The following RAPGEF6 variants were observed in gnomAD, a reference collection of about 807,000 sequenced individuals.
RAPGEF6 encodes the protein PDZ domain containing guanine nucleotide exchange factor (GEF) 2.
A neutral mutation model predicts 171.4 loss-of-function variants in RAPGEF6; 56 were observed. The observed-to-expected ratio is 0.33, with a 90% CI of 0.26 to 0.41. The LOEUF (loss-of-function observed/expected upper bound fraction) is 0.41. Among genes scored for constraint, RAPGEF6 ranks in the 10% least tolerant of loss-of-function variants. The pLI is 1.00. For synonymous variants in RAPGEF6, 692 were observed against 650.1 expected (o/e 1.06, Z -0.98); for missense variants, 1,674 against 1,921.4 (o/e 0.87, Z 2.41).
chr5:131,471,897 A>G (rs1346154192), intron 17 of RAPGEF6, among the ~76,000 whole-genome samples: 1 of 152,166 alleles, frequency 6.6e-6, no homozygotes, highest in Non-Finnish European at 1.5e-5. Flanking sequence ...TTTTCTGTGT[A>G]TTATAGAAAA....
At chr5:131,566,895 G>A (rs1389524813) in intron 4 of RAPGEF6, among the ~76,000 whole-genome samples, 1 of 151,942 alleles carries the variant, frequency 6.6e-6, no homozygotes, top group Non-Finnish European at 1.5e-5. Context: ...GATCACCTGA[G>A]GTCAGGAGTT....
intron 1 of RAPGEF6, among the ~76,000 whole-genome samples, chr5:131,618,044 G>C (rs1166739000): frequency 1.3e-5 from 2 of 152,094 alleles, no homozygotes; most frequent in African/African-American, 4.8e-5. Context: ...TTGGATAAAC[G>C]GCTGACTTCA....
At chr5:131,517,269 A>G (rs1758153732) in intron 7 of RAPGEF6, among the ~76,000 whole-genome samples, 2 of 152,228 alleles carry the variant, frequency 1.3e-5, no homozygotes, top group Non-Finnish European at 2.9e-5. Context: ...ATCTAAAATA[A>G]AAGTTGAAAT....
At chr5:131,615,295 T>G (rs1765195044) in intron 1 of RAPGEF6, among the ~76,000 whole-genome samples, 1 of 152,166 alleles carries the variant, frequency 6.6e-6, no homozygotes, top group Non-Finnish European at 1.5e-5. Context: ...GTGAGCTGAT[T>G]AATTCTTTTT....
intron 11 of RAPGEF6, among the ~76,000 whole-genome samples, chr5:131,499,569 G>A (rs1271489925): frequency 9.2e-6 from 1 of 108,426 alleles, no homozygotes; most frequent in African/African-American, 3.5e-5. Flanking sequence ...CGACAAGAGC[G>A]AGACTTTGTC....
Position 131,597,690 on chromosome 5 carries a change from C to A in RAPGEF6, c.198-5224G>T, listed in dbSNP as rs936598656. Among the ~76,000 whole-genome samples the A allele has an allele frequency of 1.1e-4, 16 of 151,918 alleles. No individual in the cohort carries two copies. In the East Asian group the frequency reaches 1.9e-3, roughly 18 times the overall value. Reference sequence around the variant, plus strand: ...TAGAAGTGGAGTAGAACTGTGGTTACCAGAGACTGGAGTGGGGAGGTGGGA... The same window carrying A: ...TAGAAGTGGAGTAGAACTGTGGTTAACAGAGACTGGAGTGGGGAGGTGGGA... On this transcript the variant is annotated intron_variant, in intron 3 of 27. Coordinates refer to ENST00000509018, the MANE Select transcript of RAPGEF6 (RefSeq NM_016340.6).
chr5:131,431,745 C>A (rs996626242), intron 25 of RAPGEF6, among the ~76,000 whole-genome samples: 26 of 152,196 alleles, frequency 1.7e-4, no homozygotes, highest in South Asian at 6.2e-4. Flanking sequence ...CCGCCTCAGC[C>A]TCCCCAGCAG....
At chr5:131,579,275 T>C (rs1485008860) in intron 4 of RAPGEF6, among the ~76,000 whole-genome samples, 1 of 152,188 alleles carries the variant, frequency 6.6e-6, no homozygotes, top group Non-Finnish European at 1.5e-5. Context: ...ATAAAGGCAG[T>C]ATGGACCCAA....
Position 131,446,471 on chromosome 5 carries a change from A to G in RAPGEF6, c.3421+12T>C. The stretch of plus-strand genomic sequence containing the variant: ...GCTCTTTAGCGTCACATAAATGAAA[A>G]CTTGTACTCACAGGTACCATATGCA... On this transcript the variant is annotated intron_variant, in intron 22 of 27. Transcript: ENST00000509018. 1 of 1,601,972 alleles carries G rather than the reference A, an allele frequency of 6.2e-7. No homozygotes were observed. The highest frequency in any genetic ancestry group is 8.5e-7 in the Non-Finnish European group (1 of 1,173,476).
At chr5:131,519,777 C>A (rs1282995149) in intron 7 of RAPGEF6, among the ~76,000 whole-genome samples, 2 of 152,212 alleles carry the variant, frequency 1.3e-5, no homozygotes, top group Non-Finnish European at 1.5e-5. Context: ...GATCCAGGGT[C>A]AATCTTCCTC....
intron 16 of RAPGEF6, among the ~76,000 whole-genome samples, chr5:131,475,869 T>C (rs1049928163): frequency 1.3e-5 from 2 of 152,206 alleles, no homozygotes; most frequent in African/African-American, 4.8e-5. Context: ...CCTCTACTCT[T>C]ACAGAACTGA....
chr5:131,555,110 C>G (rs546880402), intron 5 of RAPGEF6, among the ~76,000 whole-genome samples: 2 of 152,134 alleles, frequency 1.3e-5, no homozygotes, highest in Admixed American at 1.3e-4. Context: ...TTAAGGTTCA[C>G]AGAATCCTGA....
intron 6 of RAPGEF6, among the ~76,000 whole-genome samples, chr5:131,541,802 T>C (rs1580996646): frequency 6.6e-6 from 1 of 152,228 alleles, no homozygotes; most frequent in Non-Finnish European, 1.5e-5. Context: ...CTAGAAACTT[T>C]AAAGGGTAAG....
chr5:131,495,462 G>T, intron 13 of RAPGEF6, 91 bp downstream of exon 13: 2 of 931,040 alleles, frequency 2.1e-6, no homozygotes, highest in East Asian at 2.6e-5. Context: ...TTAAGACACA[G>T]GAAAGAATGA....
At chr5:131,573,193 C>T (rs1302303526) in intron 4 of RAPGEF6, among the ~76,000 whole-genome samples, 1 of 152,068 alleles carries the variant, frequency 6.6e-6, no homozygotes, top group African/African-American at 2.4e-5. Flanking sequence ...AGCCTCTGCT[C>T]CCCCACTCTA....
At chr5:131,458,005 C>A (rs2149830436) in intron 19 of RAPGEF6, among the ~76,000 whole-genome samples, 1 of 152,256 alleles carries the variant, frequency 6.6e-6, no homozygotes, top group East Asian at 1.9e-4. Flanking sequence ...TATTCATATG[C>A]ATTAGAATAC....
At position 131,444,172 on chromosome 5, in the gene RAPGEF6, C is replaced by A. The variant is rs545205882; in HGVS notation, c.3422-1635G>T. Among the ~76,000 whole-genome samples the A allele has an allele frequency of 3.3e-4, 50 of 152,082 alleles. 1 individual carries two copies. Among genetic ancestry groups the A allele is most frequent in the Admixed American group, 3.3e-3 (50 of 15,264 alleles). On this transcript the variant is annotated intron_variant, in intron 22 of 27. Transcript: ENST00000509018. ...AACTGTCTCAACACAGCTATAATAG[C>A]TATTATGCTTTTATTAAGACAGACT...
chr5:131,575,502 T>C (rs1263746204), intron 4 of RAPGEF6, among the ~76,000 whole-genome samples: 1 of 152,176 alleles, frequency 6.6e-6, no homozygotes, highest in Non-Finnish European at 1.5e-5. Context: ...CCCTGCTGTG[T>C]CCAGCTAATC....
intron 21 of RAPGEF6, among the ~76,000 whole-genome samples, chr5:131,451,372 C>G (rs1753057732): frequency 6.6e-6 from 1 of 151,632 alleles, no homozygotes; most frequent in Non-Finnish European, 1.5e-5. Context: ...TTGCTTGAGT[C>G]CAGGAGTTCA....
Sources: allele counts gnomAD v4.1 joint callset (sites outside exome capture counted in the v4.1 genomes callset), GRCh38; gene constraint gnomAD v4.1.1; transcripts MANE v1.5; gene names NCBI Gene and HGNC (gene_info 2026-07-23, HGNC 2026-07-21).